PCDHA4: variants seen among roughly 807,000 people sequenced by gnomAD.
PCDHA4 encodes protocadherin alpha-4.
A neutral mutation model predicts 61.4 loss-of-function variants in PCDHA4; 49 were observed. The observed-to-expected ratio is 0.80, with a 90% CI of 0.63 to 1.01. The LOEUF (loss-of-function observed/expected upper bound fraction) is 1.01, where lower values mean the gene tolerates loss of function less well. Ranked by LOEUF, PCDHA4 falls within the 50% of genes least tolerant of loss-of-function variation. PCDHA4 has a pLI of 0.00. For missense variants in PCDHA4, 1,254 were observed against 1,235.8 expected (o/e 1.01, Z -0.22); for synonymous variants, 590 against 550.3 (o/e 1.07, Z -1.01).
intron 1 of PCDHA4, chr5:140,857,929 G>A: frequency 1.3e-6 from 2 of 1,597,764 alleles, no homozygotes; most frequent in Non-Finnish European, 1.7e-6. Flanking sequence ...GGCTGTACAC[G>A]GGCGAGATCA....
chr5:140,890,632 T>C (rs561301430), intron 1 of PCDHA4, among the ~76,000 whole-genome samples: 28 of 152,330 alleles, frequency 1.8e-4, no homozygotes, highest in African/African-American at 6.0e-4. Context: ...ATTAAGCATG[T>C]ATCCTTGATA....
intron 1 of PCDHA4, among the ~76,000 whole-genome samples, chr5:140,933,231 A>G (rs1488760874): frequency 4.6e-5 from 7 of 152,008 alleles, no homozygotes; most frequent in Non-Finnish European, 1.0e-4. Context: ...GCATTTATGA[A>G]AAAGAAAGGA....
intron 1 of PCDHA4, chr5:140,862,920 G>A (rs2047655483): frequency 3.6e-6 from 2 of 548,666 alleles, no homozygotes; most frequent in African/African-American, 3.8e-5. Flanking sequence ...CGCCTTGGGT[G>A]GGCTGGCGGC....
chr5:140,946,335 G>A lies in PCDHA4; in HGVS notation c.2386-32614G>A, dbSNP rs555314202. ...ATTATTGAAAGAGGAAAGATAACAA[G>A]TGATGGAGAGGATGTGGAGAAAAGG... On this transcript the variant is annotated intron_variant, in intron 1 of 3. Transcript: ENST00000530339. Among the ~76,000 whole-genome samples, 250 of 151,944 alleles carry A rather than the reference G, an allele frequency of 1.6e-3. 2 individuals are homozygous for A. The highest frequency in any genetic ancestry group is 2.8e-3 in the Non-Finnish European group (188 of 67,814).
chr5:140,872,662 A>G (rs1554166315), intron 1 of PCDHA4, among the ~76,000 whole-genome samples: 2 of 152,132 alleles, frequency 1.3e-5, no homozygotes, highest in Admixed American at 1.3e-4. Context: ...TTTGTCAACT[A>G]TTGGATACTC....
chr5:140,951,149 T>C (rs911841540), intron 1 of PCDHA4, among the ~76,000 whole-genome samples: 8 of 100,620 alleles, frequency 8.0e-5, no homozygotes, highest in African/African-American at 3.8e-4. Context: ...TCTTATTGAA[T>C]ATAGTTATAG....
chr5:140,883,930 C>T, intron 1 of PCDHA4: 1 of 1,613,066 alleles, frequency 6.2e-7, no homozygotes, highest in East Asian at 2.2e-5. Context: ...TGCAGGTGTT[C>T]GTGCTGGACG....
At chr5:140,899,974 C>A (rs2067653485) in intron 1 of PCDHA4, among the ~76,000 whole-genome samples, 1 of 151,766 alleles carries the variant, frequency 6.6e-6, no homozygotes, top group Non-Finnish European at 1.5e-5. Context: ...TGCCCAGCTA[C>A]TTTTTTGATT....
chr5:140,906,180 C>T (rs1457176453), intron 1 of PCDHA4, among the ~76,000 whole-genome samples: 1 of 152,132 alleles, frequency 6.6e-6, no homozygotes, highest in Non-Finnish European at 1.5e-5. Flanking sequence ...ACTTTGCATC[C>T]TTCAATCCAA....
At chr5:140,943,854 CAAG>C (rs1298449902) in intron 1 of PCDHA4, among the ~76,000 whole-genome samples, 7 of 152,158 alleles carry the variant, frequency 4.6e-5, no homozygotes, top group African/African-American at 1.7e-4. Flanking sequence ...TCACAGAAGT[CAAG>C]AAGAGGTCTC....
intron 1 of PCDHA4, among the ~76,000 whole-genome samples, chr5:140,941,550 C>T (rs1489599221): frequency 6.6e-6 from 1 of 151,776 alleles, no homozygotes; most frequent in Non-Finnish European, 1.5e-5. Flanking sequence ...CTCCTGACCT[C>T]GTGATCCATT....
chr5:140,823,657 G>C, intron 1 of PCDHA4: 1 of 1,613,998 alleles, frequency 6.2e-7, no homozygotes, highest in Non-Finnish European at 8.5e-7. Context: ...GCTGTACACA[G>C]GCGAGATCAG....
chr5:140,808,322 A>T lies in PCDHA4; in HGVS notation c.1135A>T (p.Met379Leu). Residue 379 changes from methionine (M) to leucine (L), a missense_variant, in exon 1 of 4, where the codon ATG becomes TTG. By Grantham distance (15) the Met-to-Leu change is conservative (BLOSUM62 2). Transcript: ENST00000530339. ...IALISVSDKD[M>L]GVNGLVTCSL... ...CCTGATCAGCGTGTCCGACAAAGAC[A>T]TGGGTGTCAATGGGCTGGTCACCTG... 2 of 1,614,226 alleles carry T rather than the reference A, an allele frequency of 1.2e-6. No homozygotes were observed. The highest frequency in any genetic ancestry group is 1.7e-6 in the Non-Finnish European group (2 of 1,180,038).
chr5:140,856,905 C>T, intron 1 of PCDHA4: 1 of 1,595,990 alleles, frequency 6.3e-7, no homozygotes. Context: ...TTGGTCCCAC[C>T]CACGATAAGA....
At chr5:140,942,160 A>G (rs782205493) in intron 1 of PCDHA4, among the ~76,000 whole-genome samples, 11 of 152,218 alleles carry the variant, frequency 7.2e-5, no homozygotes, top group Non-Finnish European at 1.5e-4. Context: ...AACAGCTTCC[A>G]TATTTCTCTA....
intron 1 of PCDHA4, among the ~76,000 whole-genome samples, chr5:140,890,661 A>G (rs1384784805): frequency 6.6e-6 from 1 of 152,198 alleles, no homozygotes; most frequent in Non-Finnish European, 1.5e-5. Flanking sequence ...TCAAAAGTTA[A>G]CTGAAACCCT....
chr5:140,833,120 T>G (rs1772308754), intron 1 of PCDHA4, among the ~76,000 whole-genome samples: 3 of 152,202 alleles, frequency 2.0e-5, no homozygotes, highest in Non-Finnish European at 4.4e-5. Context: ...TCAAAGTCAT[T>G]TGAAAGCTGT....
chr5:140,809,014 C>T lies in PCDHA4; in HGVS notation c.1827C>T (p.Tyr609=). The change falls in exon 1 of 4, where the codon TAC becomes TAT. Residue 609 remains tyrosine (Y), a synonymous_variant. Coordinates refer to ENST00000530339, the MANE Select transcript of PCDHA4 (RefSeq NM_018907.4). The part of the protein sequence containing the change: ...ADSGYNAWLS[Y]ELQPGTGGAR... ...CGGGCTACAACGCGTGGCTTTCGTA[C>T]GAGCTGCAGCCGGGGACTGGTGGCG... 1 of 1,613,716 alleles carries T rather than the reference C, an allele frequency of 6.2e-7. No homozygotes were observed. The highest frequency in any genetic ancestry group is 2.2e-5 in the East Asian group (1 of 44,856).
At chr5:140,842,727 C>T (rs1554139317) in intron 1 of PCDHA4, 3 of 1,594,926 alleles carry the variant, frequency 1.9e-6, no homozygotes, top group Non-Finnish European at 1.7e-6. Context: ...GAGAACAACC[C>T]GCCGGGCTGC....
Sources: gnomAD v4.1 joint callset for allele counts (sites outside exome capture counted in the v4.1 genomes callset) on GRCh38, gnomAD v4.1.1 for gene constraint, MANE v1.5 for transcripts, NCBI Gene and HGNC (gene_info 2026-07-23, HGNC 2026-07-21) for gene names.